Variants in PALM2AKAP2 observed in about 807,000 individuals in gnomAD.
The protein encoded by PALM2AKAP2 is PALM2-AKAP2 fusion protein.
PALM2AKAP2 carries 37 observed loss-of-function variants against 71.5 expected under a neutral mutation model. The ratio of observed to expected loss-of-function variants is 0.52; its 90% CI spans 0.40 to 0.68. PALM2AKAP2 has a LOEUF of 0.68. Among genes scored for constraint, PALM2AKAP2 ranks in the 30% least tolerant of loss-of-function variants. PALM2AKAP2 has a pLI of 0.00. For missense variants in PALM2AKAP2, 1,224 were observed against 1,191.8 expected (o/e 1.03, Z -0.40); for synonymous variants, 468 against 478.8 (o/e 0.98, Z 0.29).
intron 1 of PALM2AKAP2, among the ~76,000 whole-genome samples, chr9:109,838,324 A>G (rs1050696422): frequency 5.9e-5 from 9 of 152,196 alleles, no homozygotes; most frequent in African/African-American, 1.2e-4. Context: ...GTTCTTTGAA[A>G]CCAATGAGAA....
chr9:109,730,740 C>T (rs746855321), intron 1 of PALM2AKAP2, among the ~76,000 whole-genome samples: 2 of 152,088 alleles, frequency 1.3e-5, no homozygotes, highest in African/African-American at 4.8e-5. Flanking sequence ...GATAATCACC[C>T]TTTTCTCAGG....
intron 1 of PALM2AKAP2, among the ~76,000 whole-genome samples, chr9:109,782,872 G>C (rs1259939101): frequency 1.3e-5 from 2 of 151,824 alleles, no homozygotes; most frequent in East Asian, 3.9e-4. Flanking sequence ...GCTATGCTTT[G>C]GTCTAGTGCC....
At chr9:109,764,380 C>G (rs1829112074) in intron 1 of PALM2AKAP2, among the ~76,000 whole-genome samples, 1 of 152,070 alleles carries the variant, frequency 6.6e-6, no homozygotes, top group Admixed American at 6.5e-5. Flanking sequence ...CGCTCTTTTA[C>G]ACCTCCTGGC....
chr9:109,880,554 A>C, exon 3 of PALM2AKAP2: 1 of 1,612,756 alleles, frequency 6.2e-7, no homozygotes, highest in Non-Finnish European at 8.5e-7. Context: ...TCCACAGTCC[A>C]AAGTGCTTCG....
intron 6 of PALM2AKAP2, chr9:109,943,492 A>T: frequency 6.6e-7 from 1 of 1,516,138 alleles, no homozygotes; most frequent in Non-Finnish European, 8.8e-7. Context: ...ACCTCACTGT[A>T]CCACTAACTG....
chr9:110,161,553 G>T (rs1836599078), intron 3 of PALM2AKAP2, among the ~76,000 whole-genome samples: 1 of 152,160 alleles, frequency 6.6e-6, no homozygotes, highest in Non-Finnish European at 1.5e-5. Flanking sequence ...GGCCCCCAGG[G>T]TTCTGACGAG....
chr9:109,665,733 A>T (rs891417533), intron 1 of PALM2AKAP2, among the ~76,000 whole-genome samples: 2 of 152,224 alleles, frequency 1.3e-5, no homozygotes, highest in African/African-American at 4.8e-5. Context: ...GAGCTGTCAG[A>T]CTGGGACGTT....
chr9:110,048,964 G>A (rs1237523121), intron 1 of PALM2AKAP2: 1 of 1,351,560 alleles, frequency 7.4e-7, no homozygotes, highest in Non-Finnish European at 9.6e-7. Context: ...GGAGTCCTCG[G>A]AAGCACCGCG....
intron 1 of PALM2AKAP2, among the ~76,000 whole-genome samples, chr9:109,716,164 G>A (rs1828316556): frequency 6.6e-6 from 1 of 152,184 alleles, no homozygotes; most frequent in Non-Finnish European, 1.5e-5. Context: ...AAGTTTAATT[G>A]TGACAACTGG....
intron 1 of PALM2AKAP2, among the ~76,000 whole-genome samples, chr9:109,702,364 T>C (rs1368135514): frequency 6.6e-6 from 1 of 152,180 alleles, no homozygotes; most frequent in Non-Finnish European, 1.5e-5. Flanking sequence ...AATGATATAC[T>C]GGATTAAGAA....
At chr9:109,854,316 A>G (rs1205210070) in intron 1 of PALM2AKAP2, among the ~76,000 whole-genome samples, 1 of 152,232 alleles carries the variant, frequency 6.6e-6, no homozygotes, top group African/African-American at 2.4e-5. Flanking sequence ...AGGATTCTGA[A>G]TTAGGAAACA....
chr9:109,804,003 CCTT>C (rs756771851), intron 1 of PALM2AKAP2, among the ~76,000 whole-genome samples: 3 of 152,202 alleles, frequency 2.0e-5, no homozygotes, highest in Non-Finnish European at 2.9e-5. Flanking sequence ...AAAGTCCCCA[CCTT>C]CTCCCAGGTA....
rs1314864554 is a variant in PALM2AKAP2 at position 109,716,238 on chromosome 9, T to G, written c.6-64250T>G. On this transcript the variant is annotated intron_variant, in intron 1 of 6. Coordinates refer to the PALM2AKAP2 transcript ENST00000374531. ...ATACCCAAGAAAATCTTAATATCTC[T>G]TCCTATATTTATAATATTATTGAGG... 2.6e-5 allele frequency among the ~76,000 whole-genome samples: 4 copies of G among 152,328 alleles called. No homozygotes were observed. The East Asian group carries it at 7.7e-4, about 29-fold the overall frequency.
chr9:110,102,604 C>T (rs1835025230), intron 1 of PALM2AKAP2, among the ~76,000 whole-genome samples: 2 of 152,004 alleles, frequency 1.3e-5, no homozygotes, highest in South Asian at 4.2e-4. Flanking sequence ...TCCACTCCTC[C>T]CCTCCCCTCC....
intron 1 of PALM2AKAP2, among the ~76,000 whole-genome samples, chr9:110,087,846 G>A (rs1430351742): frequency 6.6e-6 from 1 of 152,194 alleles, no homozygotes; most frequent in African/African-American, 2.4e-5. Flanking sequence ...GAGGAGGGAA[G>A]CAAACACAGA....
At chr9:110,059,824 G>T (rs753730) in intron 1 of PALM2AKAP2, among the ~76,000 whole-genome samples, 2 of 152,102 alleles carry the variant, frequency 1.3e-5, no homozygotes, top group Non-Finnish European at 2.9e-5. Context: ...GAATGACTAG[G>T]GGGTGGAGAT....
intron 7 of PALM2AKAP2, among the ~76,000 whole-genome samples, chr9:110,042,403 C>A (rs1324433926): frequency 1.4e-5 from 2 of 141,104 alleles, no homozygotes; most frequent in Non-Finnish European, 3.1e-5. Flanking sequence ...TCCAGCCTGG[C>A]AGTAAGTCTA....
chr9:109,790,087 G>T (rs1827074407), intron 1 of PALM2AKAP2, among the ~76,000 whole-genome samples: 1 of 152,122 alleles, frequency 6.6e-6, no homozygotes, highest in Non-Finnish European at 1.5e-5. Flanking sequence ...GATCGAAGGG[G>T]AAAGAAAAGC....
At chr9:110,157,870 C>A (rs1432861472) in intron 3 of PALM2AKAP2, among the ~76,000 whole-genome samples, 2 of 152,202 alleles carry the variant, frequency 1.3e-5, no homozygotes, top group Non-Finnish European at 2.9e-5. Context: ...CTGAAAGTTG[C>A]TTTCAAAATA....
Sources: allele counts gnomAD v4.1 joint callset (sites outside exome capture counted in the v4.1 genomes callset), GRCh38; gene constraint gnomAD v4.1.1; transcripts MANE v1.5; gene names NCBI Gene and HGNC (gene_info 2026-07-23, HGNC 2026-07-21).